The following SEMG1 variants were observed in gnomAD, a reference collection of about 807,000 sequenced individuals.
SEMG1 encodes semenogelin-1.
A neutral mutation model predicts 8.8 loss-of-function variants in SEMG1; 6 were observed. The observed-to-expected ratio is 0.68, with a 90% CI of 0.37 to 1.35. SEMG1 has a LOEUF of 1.35. Among genes scored for constraint, SEMG1 ranks in the 40% most tolerant of loss-of-function variants. The probability of loss-of-function intolerance (pLI) is 0.02; values close to 1 mark genes in which losing one functional copy is unlikely to be tolerated. For synonymous variants in SEMG1, 221 were observed against 190.3 expected (o/e 1.16, Z -1.33); for missense variants, 580 against 533.6 (o/e 1.09, Z -0.86).
chr20:45,207,071 C>A lies in SEMG1; in HGVS notation c.18C>A (p.Ile6=). The part of the protein sequence containing the change: MKPNI[I]FVLSLLLILE... The stretch of plus-strand genomic sequence containing the variant: ...CAAGCAAGATGAAGCCCAACATCAT[C>A]TTTGTACTTTCCCTGCTCCTCATCT... Residue 6 remains isoleucine (I), a synonymous_variant, in exon 1 of 3, where the codon ATC becomes ATA. Transcript: ENST00000372781. The A allele has an allele frequency of 6.2e-7, 1 of 1,613,814 alleles. No individual in the cohort carries two copies. The highest frequency in any genetic ancestry group is 8.5e-7 in the Non-Finnish European group (1 of 1,179,774).
In SEMG1 at chr20:45,208,487, C is replaced by T. The variant is rs957223741; in HGVS notation, c.1190C>T (p.Pro397Leu). The T allele has an allele frequency of 1.9e-6, 3 of 1,613,906 alleles. No individual in the cohort carries two copies. The highest frequency in any genetic ancestry group is 3.3e-4 in the Middle Eastern group (2 of 6,062). ...CAGGCACCAAATCCTAAGCAAGAGCCATGGCATGGTGAAAATGCAAAAGGA... is the reference window on the plus strand; with the variant it reads ...CAGGCACCAAATCCTAAGCAAGAGCTATGGCATGGTGAAAATGCAAAAGGA... ...QIQAPNPKQE[P>L]WHGENAKGES... Residue 397 changes from proline to leucine, a missense_variant, in exon 2 of 3, where the codon CCA (proline) becomes CTA (leucine). By Grantham distance (98) the Pro-to-Leu change is moderately conservative (BLOSUM62 -3). Transcript: ENST00000372781.
rs764020262 is a variant in SEMG1, at chr20:45,207,847, G to T, written c.550G>T (p.Gly184Cys). Residue 184 changes from glycine (G) to cysteine (C), a missense_variant, in exon 2 of 3, where the codon GGT becomes TGT. Coordinates refer to ENST00000372781, the MANE Select transcript of SEMG1 (RefSeq NM_003007.5). ...AACTTCCGTCTCTGGTGCACAAAAA[G>T]GTAGAAAACAAGGCGGATCCCAAAG... Reference protein sequence around the residue: ...EQTSVSGAQKGRKQGGSQSSY... With the variant: ...EQTSVSGAQKCRKQGGSQSSY... The T allele has an allele frequency of 2.5e-6, 4 of 1,613,962 alleles. No individual in the cohort carries two copies. The South Asian group carries it at 4.4e-5, about 18-fold the overall frequency.
Position 45,208,323 on chromosome 20 carries a change from G to A in SEMG1, c.1026G>A (p.Lys342=), listed in dbSNP as rs763516038. Residue 342 remains lysine, a synonymous_variant, in exon 2 of 3, where the codon AAG becomes AAA. Coordinates refer to ENST00000372781, the MANE Select transcript of SEMG1 (RefSeq NM_003007.5). ...IPSQEQEHSQ[K]ANKISYQSSS... is the part of the protein sequence containing the mutation. Reference sequence around the variant, plus strand: ...GTCAAGAGCAAGAGCATAGCCAAAAGGCAAATAAAATATCATACCAATCTT... The same window carrying A: ...GTCAAGAGCAAGAGCATAGCCAAAAAGCAAATAAAATATCATACCAATCTT... 50 of 1,610,452 alleles carry A rather than the reference G, an allele frequency of 3.1e-5. 1 individual carries two copies. Among genetic ancestry groups the A allele is most frequent in the East Asian group, 6.7e-5 (3 of 44,854 alleles).
Position 45,207,505 on chromosome 20 carries a change from C to A in SEMG1, c.208C>A (p.His70Asn). 4 of 1,613,834 alleles carry A rather than the reference C, an allele frequency of 2.5e-6. No homozygotes were observed. Among genetic ancestry groups the A allele is most frequent in the Non-Finnish European group, 2.5e-6 (3 of 1,179,828 alleles). ...CAGTTTTTCTATTCAATACACATATCATGTAGATGCCAATGATCATGACCA... is the reference window on the plus strand; with the variant it reads ...CAGTTTTTCTATTCAATACACATATAATGTAGATGCCAATGATCATGACCA... ...KGSFSIQYTYHVDANDHDQSR... is the reference protein window; with the variant it reads ...KGSFSIQYTYNVDANDHDQSR... Residue 70 changes from histidine (H) to asparagine (N), a missense_variant, in exon 2 of 3, where the codon CAT becomes AAT. Transcript: ENST00000372781.
In SEMG1 at chr20:45,208,606, G is replaced by A; in HGVS notation, c.1309G>A (p.Val437Ile). The A allele has an allele frequency of 1.9e-6, 3 of 1,613,882 alleles. No homozygotes were observed. Among genetic ancestry groups the A allele is most frequent in the Middle Eastern group, 1.6e-4 (1 of 6,062 alleles). The change falls in exon 2 of 3, where the codon GTA becomes ATA. Residue 437 changes from valine (V) to isoleucine (I), a missense_variant. Physicochemically the swap from Val to Ile is conservative, Grantham distance 29. Coordinates refer to ENST00000372781, the MANE Select transcript of SEMG1 (RefSeq NM_003007.5). ...TGGATCTCATGGGGGATTGGATATTGTAATTATAGAGCAGGAAGATGACAG... is the reference window on the plus strand; with the variant it reads ...TGGATCTCATGGGGGATTGGATATTATAATTATAGAGCAGGAAGATGACAG... ...QHGSHGGLDI[V>I]IIEQEDDSDR...
intron 1 of SEMG1, 67 bp from the exon 2 acceptor site, chr20:45,207,306 TG>T: frequency 1.4e-6 from 2 of 1,446,760 alleles, no homozygotes. Context: ...GGGGGAAAAG[TG>T]GGGGGTAAGA....
intron 2 of SEMG1, among the ~76,000 whole-genome samples, 165 bp from the exon 3 acceptor site, chr20:45,209,436 G>C (rs1257575392): frequency 6.6e-6 from 1 of 152,166 alleles, no homozygotes; most frequent in Non-Finnish European, 1.5e-5. Flanking sequence ...CTTGAAGAGA[G>C]GGCAAGCAGT....
Position 45,207,666 on chromosome 20 carries a change from T to C in SEMG1, c.369T>C (p.Phe123=), listed in dbSNP as rs1983728922. 1.2e-6 allele frequency: 2 copies of C among 1,613,984 alleles called. No individual in the cohort carries two copies. The highest frequency in any genetic ancestry group is 1.7e-6 in the Non-Finnish European group (2 of 1,179,904). ...ACCATGATAAATCAAAAGGTCATTT[T>C]CACAGGGTAGTTATACACCATAAAG... The part of the protein sequence containing the change: ...GRDHDKSKGH[F]HRVVIHHKGG... Residue 123 remains phenylalanine (F), a synonymous_variant, in exon 2 of 3, where the codon TTT becomes TTC. Transcript: ENST00000372781.
chr20:45,208,762 C>T (rs1983778271), intron 2 of SEMG1, 32 bp downstream of exon 2: 2 of 989,324 alleles, frequency 2.0e-6, no homozygotes, highest in Non-Finnish European at 3.1e-6. Context: ...GGGGAGATAT[C>T]TCTCTCATTG....
chr20:45,209,006 T>G (rs1039797305), intron 2 of SEMG1, among the ~76,000 whole-genome samples: 3 of 152,288 alleles, frequency 2.0e-5, no homozygotes, highest in African/African-American at 7.2e-5. Context: ...CTGCTAAAGG[T>G]TTTTTTGAAC....
chr20:45,207,168 A>G (rs1280948143), intron 1 of SEMG1, 39 bp downstream of exon 1: 4 of 1,612,722 alleles, frequency 2.5e-6, no homozygotes, highest in Non-Finnish European at 3.4e-6. Flanking sequence ...AGCTGCTCAG[A>G]CAGCTAATAA....
chr20:45,209,103 T>C (rs1983786959), intron 2 of SEMG1, among the ~76,000 whole-genome samples: 1 of 152,230 alleles, frequency 6.6e-6, no homozygotes, highest in Non-Finnish European at 1.5e-5. Flanking sequence ...TCAGTTTCTT[T>C]CCTATATAGT....
intron 1 of SEMG1, 73 bp from the exon 2 acceptor site, chr20:45,207,300 GA>G: frequency 2.1e-6 from 3 of 1,446,782 alleles, no homozygotes; most frequent in Non-Finnish European, 1.9e-6. Flanking sequence ...TTTGTTGGGG[GA>G]AAAGTGGGGG....
chr20:45,208,878 TCC>T, intron 2 of SEMG1, 148 bp downstream of exon 2: 1 of 498,260 alleles, frequency 2.0e-6, no homozygotes, highest in Non-Finnish European at 3.6e-6. Context: ...GCCTCCCCAT[TCC>T]CTGGTGAGGA....
Position 45,207,768 on chromosome 20 carries a change from T to G in SEMG1, c.471T>G (p.Ser157Arg). 6.2e-7 allele frequency: 1 copy of G among 1,613,876 alleles called. No individual in the cohort carries two copies. The change falls in exon 2 of 3, where the codon AGT becomes AGG. Residue 157 changes from serine to arginine, a missense_variant. Transcript: ENST00000372781. The part of the protein sequence containing the change: ...GNSPSGKGIS[S>R]QYSNTEERLW... The stretch of plus-strand genomic sequence containing the variant: ...GCCCATCTGGAAAGGGAATATCCAG[T>G]CAATATTCAAACACAGAAGAAAGGC...
Position 45,208,728 on chromosome 20 carries a change from A to C in SEMG1, c.*42A>C. 50 of 1,418,730 alleles carry C rather than the reference A, an allele frequency of 3.5e-5. No individual in the cohort carries two copies. Among genetic ancestry groups the C allele is most frequent in the African/African-American group, 4.3e-5 (3 of 69,654 alleles). 87.9% of individuals were successfully genotyped at this position (1,418,730 alleles called of 1,614,324 possible). On this transcript the variant is annotated splice_region_variant and 3_prime_UTR_variant, in exon 2 of 3. Transcript: ENST00000372781. ...CCATGTGAAAGGATGGACCAATATC[A>C]AGGTAATTTTTTTTTAGCAAATAGG... is the stretch of plus-strand genomic sequence containing the variant.
Position 45,208,424 on chromosome 20 carries a change from G to T in SEMG1, c.1127G>T (p.Ser376Ile). The change falls in exon 2 of 3, where the codon AGC becomes ATC. Residue 376 changes from serine (S) to isoleucine (I), a missense_variant. Coordinates refer to ENST00000372781, the MANE Select transcript of SEMG1 (RefSeq NM_003007.5). ...GATGTATCCCAACGCAGTATTTATA[G>T]CCAAACTGAAAAGCTAGTAGCAGGC... ...QKDVSQRSIY[S>I]QTEKLVAGKS... 1 of 1,614,028 alleles carries T rather than the reference G, an allele frequency of 6.2e-7. No homozygotes were observed. Among genetic ancestry groups the T allele is most frequent in the Non-Finnish European group, 8.5e-7 (1 of 1,179,978 alleles).
At position 45,207,358 on chromosome 20, in the gene SEMG1, T is replaced by C; in HGVS notation, c.77-16T>C. ...TGGAGATAATGAATGCATACCTTCT[T>C]ATTATCAATTACCAGGTGGATCAAA... On this transcript the variant is annotated splice_polypyrimidine_tract_variant and intron_variant, in intron 1 of 2. Coordinates refer to ENST00000372781, the MANE Select transcript of SEMG1 (RefSeq NM_003007.5). The C allele has an allele frequency of 6.3e-7, 1 of 1,584,208 alleles. No individual in the cohort carries two copies. Among genetic ancestry groups the C allele is most frequent in the Non-Finnish European group, 8.6e-7 (1 of 1,160,812 alleles).
rs751904606 is a variant in SEMG1 at position 45,208,260 on chromosome 20, AG to A, written c.964del (p.Ala322HisfsTer9). 3.1e-6 allele frequency: 5 copies of A among 1,611,236 alleles called. 1 individual carries two copies. Among genetic ancestry groups the A allele is most frequent in the Non-Finnish European group, 4.2e-6 (5 of 1,178,694 alleles). On this transcript the variant is annotated frameshift_variant, in exon 2 of 3. Transcript: ENST00000372781. LOFTEE classifies it low-confidence loss of function (END_TRUNC). ...SSIYSQTEEK[A>X]QGKSQKQITI... ...GTATTTATAGCCAAACTGAAGAGAA[AG>A]CACAGGGCAAGTCTCAAAAACAGAT...
Sources: gnomAD v4.1 joint callset for allele counts (sites outside exome capture counted in the v4.1 genomes callset) on GRCh38, gnomAD v4.1.1 for gene constraint, MANE v1.5 for transcripts, NCBI Gene and HGNC (gene_info 2026-07-23, HGNC 2026-07-21) for gene names.